The following CRACD variants were observed in gnomAD, a reference collection of about 807,000 sequenced individuals.
CRACD encodes capping protein-inhibiting regulator of actin dynamics.
Under a neutral mutation model 106.8 loss-of-function variants are expected in CRACD, and 56 were observed. The observed-to-expected ratio is 0.52, with a 90% confidence interval of 0.42 to 0.66. CRACD has a LOEUF of 0.66. Among genes scored for constraint, CRACD ranks in the 30% least tolerant of loss-of-function variants. The pLI, the probability that CRACD is intolerant of heterozygous loss-of-function variation, is 0.00. For missense variants in CRACD, 1,730 were observed against 1,623.2 expected (o/e 1.07, Z -1.13); for synonymous variants, 754 against 670.8 (o/e 1.12, Z -1.92).
intron 2 of CRACD, among the ~76,000 whole-genome samples, chr4:56,186,282 C>G (rs996451607): frequency 6.6e-6 from 1 of 152,130 alleles, no homozygotes; most frequent in African/African-American, 2.4e-5. Flanking sequence ...GCAAATGCAA[C>G]CTGTCTGCAA....
At chr4:56,090,722 G>A (rs1733399801) in intron 1 of CRACD, among the ~76,000 whole-genome samples, 1 of 152,188 alleles carries the variant, frequency 6.6e-6, no homozygotes, top group South Asian at 2.1e-4. Context: ...AAATGGCTCA[G>A]AGGCTAGAAG....
At chr4:56,232,643 T>C (rs1739690523) in intron 2 of CRACD, among the ~76,000 whole-genome samples, 1 of 152,136 alleles carries the variant, frequency 6.6e-6, no homozygotes, top group Admixed American at 6.6e-5. Flanking sequence ...GCATATAGTG[T>C]CTTTGTAGTT....
chr4:56,257,770 T>A lies in CRACD; in HGVS notation c.-188-14551T>A, dbSNP rs142348759. Among the ~76,000 whole-genome samples the A allele has an allele frequency of 3.8e-3, 584 of 152,206 alleles. 4 individuals are homozygous for A. Among genetic ancestry groups the A allele is most frequent in the African/African-American group, 0.014 (562 of 41,544 alleles). On this transcript the variant is annotated intron_variant, in intron 2 of 10. Coordinates refer to ENST00000682029, the MANE Select transcript of CRACD (RefSeq NM_001393381.1). ...ATTAACTAAGAGTCTGGTACCTTTTTAAGTCTGATAAGAAACATTGGCCGG... is the reference window on the plus strand; with the variant it reads ...ATTAACTAAGAGTCTGGTACCTTTTAAAGTCTGATAAGAAACATTGGCCGG...
At chr4:56,092,583 ATTTAT>A (rs1022313402) in intron 1 of CRACD, among the ~76,000 whole-genome samples, 4 of 152,142 alleles carry the variant, frequency 2.6e-5, no homozygotes, top group Non-Finnish European at 4.4e-5. Context: ...CACTGGCTTA[ATTTAT>A]TTTATTTATT....
At chr4:56,056,915 T>G (rs1343571263) in intron 1 of CRACD, among the ~76,000 whole-genome samples, 1 of 152,214 alleles carries the variant, frequency 6.6e-6, no homozygotes, top group African/African-American at 2.4e-5. Context: ...TTCTATTTTC[T>G]TCTTTTAAAA....
At chr4:56,070,318 G>A (rs1044896846) in intron 1 of CRACD, among the ~76,000 whole-genome samples, 1 of 60,754 alleles carries the variant, frequency 1.6e-5, no homozygotes, top group African/African-American at 9.0e-5. Flanking sequence ...TTTTTTTTTT[G>A]AGACGGAGTC....
In CRACD at chr4:56,313,273, C is replaced by T. The variant is rs761041416; in HGVS notation, c.431C>T (p.Ala144Val). The stretch of plus-strand genomic sequence containing the variant: ...ACCATCGAAAGTGTCAACTTAGATG[C>T]CATCCCCCTGGCCATCGCTCGCCTG... ...AGTIESVNLD[A>V]IPLAIARLDN... The change falls in exon 7 of 11, where the codon GCC becomes GTC. Residue 144 changes from alanine (A) to valine (V), a missense_variant. Ala to Val is a moderately conservative substitution (Grantham distance 64). Transcript: ENST00000682029. 4 of 1,614,208 alleles carry T rather than the reference C, an allele frequency of 2.5e-6. No homozygotes were observed. In the South Asian group the frequency reaches 4.4e-5, roughly 18 times the overall value.
At chr4:56,188,686 T>TCACACACACA (rs375013824) in intron 2 of CRACD, among the ~76,000 whole-genome samples, 1 of 92,132 alleles carries the variant, frequency 1.1e-5, no homozygotes, top group African/African-American at 4.9e-5. Flanking sequence ...TCTCTCTCTC[T>TCACACACACA]CACACACACA....
intron 4 of CRACD, chr4:56,301,184 A>G (rs1349488859): frequency 1.5e-5 from 19 of 1,266,474 alleles, no homozygotes; most frequent in Non-Finnish European, 1.9e-5. Flanking sequence ...GACTTGAGAT[A>G]TAACTGAATC....
intron 3 of CRACD, among the ~76,000 whole-genome samples, chr4:56,296,527 A>G (rs1290354263): frequency 1.3e-5 from 2 of 152,106 alleles, no homozygotes; most frequent in Non-Finnish European, 2.9e-5. Flanking sequence ...AGACTTGGGC[A>G]GATAACAAGT....
intron 10 of CRACD, among the ~76,000 whole-genome samples, chr4:56,327,343 T>C (rs1025355545): frequency 6.6e-6 from 1 of 150,492 alleles, no homozygotes; most frequent in Non-Finnish European, 1.5e-5. Flanking sequence ...GGGTGGGGGG[T>C]GTTGGAGAGA....
chr4:56,082,127 A>G (rs1049617812), intron 1 of CRACD, among the ~76,000 whole-genome samples: 12 of 152,144 alleles, frequency 7.9e-5, no homozygotes, highest in Admixed American at 7.9e-4. Flanking sequence ...AGTTGCCTCT[A>G]GAGACTACTT....
At chr4:56,107,084 C>G (rs538695919) in intron 1 of CRACD, among the ~76,000 whole-genome samples, 145 of 152,294 alleles carry the variant, frequency 9.5e-4, no homozygotes, top group African/African-American at 3.2e-3. Flanking sequence ...GATCCTCCCC[C>G]CTTTTAGCCT....
intron 1 of CRACD, among the ~76,000 whole-genome samples, chr4:56,065,383 C>T (rs922540798): frequency 6.6e-6 from 1 of 152,156 alleles, no homozygotes; most frequent in Non-Finnish European, 1.5e-5. Flanking sequence ...CCACTGCGCC[C>T]AGCACCATGA....
chr4:56,243,099 G>A (rs1219917012), intron 2 of CRACD, among the ~76,000 whole-genome samples: 1 of 152,210 alleles, frequency 6.6e-6, no homozygotes, highest in East Asian at 1.9e-4. Flanking sequence ...GAACATGGAT[G>A]ACTGGGTAGA....
chr4:56,206,431 C>T (rs1398199878), intron 2 of CRACD, among the ~76,000 whole-genome samples: 1 of 152,196 alleles, frequency 6.6e-6, no homozygotes, highest in African/African-American at 2.4e-5. Context: ...GTATCCCAGT[C>T]ATTGGAACTT....
At chr4:56,173,288 G>A (rs978276738) in intron 1 of CRACD, among the ~76,000 whole-genome samples, 1 of 152,124 alleles carries the variant, frequency 6.6e-6, no homozygotes, top group Non-Finnish European at 1.5e-5. Context: ...CCTCATTCTT[G>A]CTGATTTTGT....
chr4:56,309,496 C>A (rs1744981671), intron 5 of CRACD, among the ~76,000 whole-genome samples: 1 of 152,082 alleles, frequency 6.6e-6, no homozygotes, highest in South Asian at 2.1e-4. Flanking sequence ...GTGGGAGGAT[C>A]ACTTGATGCC....
At chr4:56,073,139 T>C (rs1332051395) in intron 1 of CRACD, among the ~76,000 whole-genome samples, 2 of 152,190 alleles carry the variant, frequency 1.3e-5, no homozygotes, top group Admixed American at 1.3e-4. Context: ...GATGGCTGGG[T>C]CAAATGGTAT....
Sources: allele counts gnomAD v4.1 joint callset (sites outside exome capture counted in the v4.1 genomes callset), GRCh38; gene constraint gnomAD v4.1.1; transcripts MANE v1.5; gene names NCBI Gene and HGNC (gene_info 2026-07-23, HGNC 2026-07-21).